The following GPC5 variants were observed in gnomAD, a reference collection of about 807,000 sequenced individuals.
GPC5 encodes the protein glypican-5.
A neutral mutation model predicts 53.9 loss-of-function variants in GPC5; 47 were observed. The ratio of observed to expected loss-of-function variants is 0.87; its 90% confidence interval spans 0.69 to 1.11. The LOEUF (loss-of-function observed/expected upper bound fraction) is 1.11. Ranked by LOEUF, GPC5 falls within the 50% of genes most tolerant of loss-of-function variation. The pLI, the probability that GPC5 is intolerant of heterozygous loss-of-function variation, is 0.00. For missense variants in GPC5, 748 were observed against 713.1 expected (o/e 1.05, Z -0.56); for synonymous variants, 286 against 263.3 (o/e 1.09, Z -0.84).
intron 7 of GPC5, among the ~76,000 whole-genome samples, chr13:92,239,476 A>T (rs1482437851): frequency 6.6e-6 from 1 of 151,972 alleles, no homozygotes; most frequent in Non-Finnish European, 1.5e-5. Flanking sequence ...ATAGTGTTGC[A>T]TGCATGGTCA....
At chr13:91,917,695 A>C (rs540996857) in intron 6 of GPC5, among the ~76,000 whole-genome samples, 1 of 152,330 alleles carries the variant, frequency 6.6e-6, no homozygotes, top group East Asian at 1.9e-4. Context: ...GGCAGGGGCA[A>C]AATTCTTTCT....
intron 7 of GPC5, among the ~76,000 whole-genome samples, chr13:92,696,702 T>C (rs756763065): frequency 2.6e-5 from 4 of 152,230 alleles, no homozygotes; most frequent in Non-Finnish European, 5.9e-5. Context: ...TTCAGTGTAA[T>C]AAGATCCCAT....
intron 5 of GPC5, among the ~76,000 whole-genome samples, chr13:91,813,440 A>G (rs2038345935): frequency 6.6e-6 from 1 of 152,212 alleles, no homozygotes; most frequent in Non-Finnish European, 1.5e-5. Context: ...CCAAGTCTCA[A>G]ATTCTTGTTT....
chr13:92,448,019 G>A (rs1372686815), intron 7 of GPC5: 37 of 152,032 alleles, frequency 2.4e-4, no homozygotes, highest in Admixed American at 2.4e-3. Flanking sequence ...TTTCCACAAT[G>A]CAGCAGCTAT....
intron 7 of GPC5, among the ~76,000 whole-genome samples, chr13:92,385,036 C>T (rs965655669): frequency 2.6e-5 from 4 of 152,082 alleles, no homozygotes; most frequent in Non-Finnish European, 5.9e-5. Flanking sequence ...ATCTGTATTA[C>T]AGAATGGCTA....
intron 7 of GPC5, among the ~76,000 whole-genome samples, chr13:92,542,193 T>G (rs1881952643): frequency 6.6e-6 from 1 of 152,038 alleles, no homozygotes; most frequent in African/African-American, 2.4e-5. Flanking sequence ...TGGGAACATT[T>G]AATATCCTCT....
chr13:91,919,341 T>C (rs2039688661), intron 6 of GPC5, among the ~76,000 whole-genome samples: 1 of 152,212 alleles, frequency 6.6e-6, no homozygotes, highest in Non-Finnish European at 1.5e-5. Flanking sequence ...CCATTTCCTC[T>C]CTTACAGTTG....
intron 7 of GPC5, among the ~76,000 whole-genome samples, chr13:92,737,487 T>A (rs1888967651): frequency 6.6e-6 from 1 of 152,082 alleles, no homozygotes; most frequent in Non-Finnish European, 1.5e-5. Flanking sequence ...AGATTCACTA[T>A]GAAATCAAGA....
intron 6 of GPC5, among the ~76,000 whole-genome samples, chr13:91,926,665 C>A (rs991559081): frequency 2.0e-5 from 3 of 152,200 alleles, no homozygotes; most frequent in Non-Finnish European, 4.4e-5. Context: ...TTAAGCAAAG[C>A]CACACAGCAA....
intron 7 of GPC5, among the ~76,000 whole-genome samples, chr13:92,661,962 C>T (rs1886359212): frequency 6.6e-6 from 1 of 152,112 alleles, no homozygotes; most frequent in Non-Finnish European, 1.5e-5. Context: ...GTTCCCTCTC[C>T]CCATTCCATA....
intron 2 of GPC5, among the ~76,000 whole-genome samples, chr13:91,580,590 T>A (rs1268680694): frequency 6.6e-6 from 1 of 152,124 alleles, no homozygotes; most frequent in Admixed American, 6.5e-5. Context: ...AGCAGGTTTT[T>A]AAATTGTTTG....
chr13:92,264,581 C>T (rs943236796), intron 7 of GPC5, among the ~76,000 whole-genome samples: 2 of 151,818 alleles, frequency 1.3e-5, no homozygotes, highest in African/African-American at 2.4e-5. Flanking sequence ...GTTCAAAACA[C>T]CAAGAACCTG....
chr13:92,245,029 C>T (rs2042639981), intron 7 of GPC5, among the ~76,000 whole-genome samples: 2 of 119,370 alleles, frequency 1.7e-5, no homozygotes, highest in South Asian at 6.1e-4. Context: ...CAAAGCGAGA[C>T]TCCATCTGAA....
chr13:92,130,669 A>T (rs886245996), intron 6 of GPC5, among the ~76,000 whole-genome samples: 1 of 152,050 alleles, frequency 6.6e-6, no homozygotes, highest in Non-Finnish European at 1.5e-5. Flanking sequence ...CATGAGAAGT[A>T]AGGATAAATA....
At chr13:92,568,877 C>T (rs1882939363) in intron 7 of GPC5, among the ~76,000 whole-genome samples, 1 of 152,078 alleles carries the variant, frequency 6.6e-6, no homozygotes, top group Non-Finnish European at 1.5e-5. Context: ...TCTGCTCTCC[C>T]TCTAGGTCAG....
At chr13:91,629,022 C>T (rs1392021858) in intron 2 of GPC5, among the ~76,000 whole-genome samples, 3 of 152,110 alleles carry the variant, frequency 2.0e-5, no homozygotes, top group Admixed American at 1.3e-4. Flanking sequence ...GTTATTGTGG[C>T]AATTACAGAT....
intron 6 of GPC5, among the ~76,000 whole-genome samples, chr13:91,908,381 C>T (rs2039576856): frequency 6.6e-6 from 1 of 152,012 alleles, no homozygotes; most frequent in Admixed American, 6.6e-5. Flanking sequence ...TTAAAGAAAA[C>T]ACATATAAGA....
At chr13:91,684,033 A>G (rs1364252150) in intron 2 of GPC5, among the ~76,000 whole-genome samples, 1 of 152,090 alleles carries the variant, frequency 6.6e-6, no homozygotes, top group East Asian at 1.9e-4. Context: ...TCCTCATCTC[A>G]GTTGCCCTTT....
chr13:91,745,542 C>T (rs2037030233), intron 4 of GPC5, among the ~76,000 whole-genome samples: 1 of 151,912 alleles, frequency 6.6e-6, no homozygotes, highest in Admixed American at 6.6e-5. Flanking sequence ...ACAGTAAATC[C>T]TCTAATAAAG....
Sources: allele counts gnomAD v4.1 joint callset (sites outside exome capture counted in the v4.1 genomes callset), GRCh38; gene constraint gnomAD v4.1.1; transcripts MANE v1.5; gene names NCBI Gene and HGNC (gene_info 2026-07-23, HGNC 2026-07-21).